Variants in KIDINS220 observed in about 807,000 individuals in gnomAD.
KIDINS220 encodes kinase D-interacting substrate of 220 kDa.
In KIDINS220, 63 loss-of-function variants were observed where a neutral mutation model predicts 157.6. The observed-to-expected ratio is 0.40, with a 90% CI of 0.33 to 0.49. KIDINS220 has a LOEUF of 0.49. KIDINS220 is among the 20% of genes least tolerant of loss of function. The probability of loss-of-function intolerance (pLI) is 0.66; values close to 1 mark genes in which losing one functional copy is unlikely to be tolerated. For missense variants in KIDINS220, 1,772 were observed against 2,171.2 expected (o/e 0.82, Z 3.65); for synonymous variants, 732 against 783.6 (o/e 0.93, Z 1.10).
intron 15 of KIDINS220, among the ~76,000 whole-genome samples, chr2:8,788,025 AGT>A (rs1282580003): frequency 1.3e-5 from 2 of 152,156 alleles, no homozygotes; most frequent in Non-Finnish European, 2.9e-5. Flanking sequence ...CTCTCTTCAA[AGT>A]GTGTTCCAAA....
chr2:8,832,800 C>A (rs1679842005), intron 1 of KIDINS220, among the ~76,000 whole-genome samples: 1 of 152,108 alleles, frequency 6.6e-6, no homozygotes, highest in Non-Finnish European at 1.5e-5. Flanking sequence ...GTCTAGTGGT[C>A]AAAAGTATGG....
At chr2:8,815,918 G>A (rs1235769157) in intron 4 of KIDINS220, among the ~76,000 whole-genome samples, 3 of 152,046 alleles carry the variant, frequency 2.0e-5, no homozygotes, top group Admixed American at 6.6e-5. Context: ...GGATCTCAGT[G>A]GTCACTCTCC....
chr2:8,770,810 C>G lies in KIDINS220; in HGVS notation c.2871G>C (p.Gln957His), dbSNP rs182521570. 8.3e-5 allele frequency: 134 copies of G among 1,605,112 alleles called. No homozygotes were observed. Among genetic ancestry groups the G allele is most frequent in the Admixed American group, 4.1e-4 (24 of 58,566 alleles). ...CAAGCCTGTCCCAGTTGAAACTAAT[C>G]TGATTGGCTCTCAGTAATCGTCCTT... ...SVTGRLLRAN[Q>H]ISFNWDRLAS... Residue 957 changes from glutamine (Q) to histidine (H), a missense_variant, in exon 22 of 30, where the codon CAG becomes CAC. Physicochemically the swap from Gln to His is conservative, Grantham distance 24. Around this residue, in one of 3 missense-constraint regions of KIDINS220, gnomAD observed 725 missense variants for 1,017.1 expected, o/e 0.71. Coordinates refer to ENST00000256707, the MANE Select transcript of KIDINS220 (RefSeq NM_020738.4).
rs765237146 is a variant in KIDINS220, at chr2:8,785,819, C to T, written c.2151G>A (p.Ser717=). The T allele has an allele frequency of 1.5e-5, 24 of 1,613,926 alleles. No individual in the cohort carries two copies. The Admixed American group carries it at 2.8e-4, about 19-fold the overall frequency. Residue 717 remains serine, a synonymous_variant, in exon 17 of 30, where the codon TCG becomes TCA. Coordinates refer to ENST00000256707, the MANE Select transcript of KIDINS220 (RefSeq NM_020738.4). The stretch of plus-strand genomic sequence containing the variant: ...GGCGTTTTCTTTGGGAATTCAGGAG[C>T]GAGTCCAGCACTTGCCACCATGTAC... ...NCRTWWQVLD[S]LLNSQRKRLH... is the part of the protein sequence containing the mutation.
chr2:8,726,559 T>C (rs186857434), downstream of KIDINS220, among the ~76,000 whole-genome samples: 1 of 152,320 alleles, frequency 6.6e-6, no homozygotes, highest in Non-Finnish European at 1.5e-5. Flanking sequence ...ACGACAGGGG[T>C]ACATTCTGAG....
chr2:8,805,378 T>G (rs1189508310), intron 7 of KIDINS220, among the ~76,000 whole-genome samples: 2 of 152,204 alleles, frequency 1.3e-5, no homozygotes, highest in East Asian at 1.9e-4. Context: ...TCCAACCCTC[T>G]GAGCACATGG....
intron 8 of KIDINS220, among the ~76,000 whole-genome samples, chr2:8,802,383 C>G (rs1244075158): frequency 6.6e-6 from 1 of 151,964 alleles, no homozygotes; most frequent in Non-Finnish European, 1.5e-5. Context: ...GACAAGTGGA[C>G]AGATAAAGGA....
chr2:8,803,528 A>C (rs1020309754), intron 7 of KIDINS220, among the ~76,000 whole-genome samples: 2 of 152,178 alleles, frequency 1.3e-5, no homozygotes, highest in Non-Finnish European at 1.5e-5. Flanking sequence ...AGTCAGGTGA[A>C]TCAGACTTCA....
chr2:8,740,594 T>A (rs1461030368), intron 26 of KIDINS220, among the ~76,000 whole-genome samples: 1 of 152,200 alleles, frequency 6.6e-6, no homozygotes, highest in Non-Finnish European at 1.5e-5. Flanking sequence ...TATCACATGA[T>A]CATAAAATAT....
downstream of KIDINS220, chr2:8,723,698 A>G (rs974100051): frequency 6.6e-6 from 1 of 152,260 alleles, no homozygotes; most frequent in African/African-American, 2.4e-5. Flanking sequence ...TGAGCTACAG[A>G]TAGGGTAAAT....
chr2:8,765,377 C>T (rs1572559484), intron 22 of KIDINS220, among the ~76,000 whole-genome samples: 1 of 152,270 alleles, frequency 6.6e-6, no homozygotes, highest in African/African-American at 2.4e-5. Flanking sequence ...CCACAAAAAT[C>T]ACCTTTCATT....
At chr2:8,744,350 A>C (rs1666053288) in intron 26 of KIDINS220, among the ~76,000 whole-genome samples, 1 of 104,284 alleles carries the variant, frequency 9.6e-6, no homozygotes, top group African/African-American at 3.7e-5. Flanking sequence ...GGTGATTCAG[A>C]TGTTCCTCAT....
At chr2:8,736,397 T>A (rs1358222356) in intron 27 of KIDINS220, among the ~76,000 whole-genome samples, 1 of 152,216 alleles carries the variant, frequency 6.6e-6, no homozygotes. Flanking sequence ...TTTCATCAAA[T>A]GTGACATGAT....
At chr2:8,827,220 C>T (rs1678935090) in intron 1 of KIDINS220, 91 bp from the exon 2 acceptor site, 1 of 540,356 alleles carries the variant, frequency 1.9e-6, no homozygotes, top group Non-Finnish European at 3.3e-6. Context: ...TAACCTCATG[C>T]AAGGACACCT....
chr2:8,746,826 AC>A (rs1306504492), intron 26 of KIDINS220: 1 of 276,828 alleles, frequency 3.6e-6, no homozygotes, highest in Non-Finnish European at 6.8e-6. Flanking sequence ...GCTAGAGCTC[AC>A]ACTGAGGAGC....
Position 8,736,920 on chromosome 2 carries a change from A to G in KIDINS220, c.3665T>C (p.Ile1222Thr), listed in dbSNP as rs1021733653. Residue 1222 changes from isoleucine to threonine, a missense_variant, in exon 27 of 30, where the codon ATA becomes ACA. Coordinates refer to ENST00000256707, the MANE Select transcript of KIDINS220 (RefSeq NM_020738.4). Reference protein sequence around the residue: ...VDAVCEKLKQIEGLDQSMLPQ... With the variant: ...VDAVCEKLKQTEGLDQSMLPQ... ...CAGCATACTCTGGTCCAGCCCTTCTATTTGTTTCAGCTTCTCACATACTGC... is the reference window on the plus strand; with the variant it reads ...CAGCATACTCTGGTCCAGCCCTTCTGTTTGTTTCAGCTTCTCACATACTGC... 1.9e-6 allele frequency: 3 copies of G among 1,614,066 alleles called. No homozygotes were observed. The highest frequency in any genetic ancestry group is 4.5e-5 in the East Asian group (2 of 44,900).
rs572261706 is a variant in KIDINS220 at position 8,820,538 on chromosome 2, C to T, written c.109-1745G>A. On this transcript the variant is annotated intron_variant, in intron 2 of 29. Coordinates refer to ENST00000256707, the MANE Select transcript of KIDINS220 (RefSeq NM_020738.4). ...ATACAAGTAAGGATTTAAACACGAA[C>T]GCTGGTTTAAAGTTCAAGTATCGGT... 5.9e-5 allele frequency among the ~76,000 whole-genome samples: 9 copies of T among 152,120 alleles called. No individual in the cohort carries two copies. In the East Asian group the frequency reaches 1.7e-3, roughly 29 times the overall value.
chr2:8,808,232 G>A (rs1675780878), intron 6 of KIDINS220, among the ~76,000 whole-genome samples: 1 of 152,140 alleles, frequency 6.6e-6, no homozygotes, highest in Non-Finnish European at 1.5e-5. Context: ...CTCCTCTTTT[G>A]CGGATAATAC....
intron 4 of KIDINS220, among the ~76,000 whole-genome samples, chr2:8,814,511 T>C (rs111245753): frequency 0.032 from 4,791 of 151,772 alleles, 281 homozygotes; most frequent in African/African-American, 0.11. Context: ...TAGAGTAGGG[T>C]GTGGGGAAGG....
Sources: allele counts gnomAD v4.1 joint callset (sites outside exome capture counted in the v4.1 genomes callset), GRCh38; gene constraint gnomAD v4.1.1; regional missense constraint gnomAD v4.1.1; transcripts MANE v1.5; gene names NCBI Gene and HGNC (gene_info 2026-07-23, HGNC 2026-07-21).